Variants in DACH2 observed in about 807,000 individuals in gnomAD.
The protein encoded by DACH2 is dachshund family transcription factor 2.
A neutral mutation model predicts 35.8 loss-of-function variants in DACH2; 17 were observed. The ratio of observed to expected loss-of-function variants is 0.48; its 90% CI spans 0.33 to 0.71. The LOEUF is 0.71. Ranked by LOEUF, DACH2 falls within the 30% of genes least tolerant of loss-of-function variation. DACH2 has a pLI of 0.02. For synonymous variants in DACH2, 195 were observed against 177.3 expected (o/e 1.10, Z -0.79); for missense variants, 469 against 472.7 (o/e 0.99, Z 0.07).
chrX:86,248,982 TG>T (rs1489971048), intron 1 of DACH2, among the ~76,000 whole-genome samples: 2 of 111,522 alleles, frequency 1.8e-5, no homozygotes. Context: ...TAAATAGTGT[TG>T]GGATAACTGA....
intron 3 of DACH2, among the ~76,000 whole-genome samples, chrX:86,647,391 C>A (rs1471060382): frequency 9.0e-6 from 1 of 110,541 alleles, no homozygotes; most frequent in Non-Finnish European, 1.9e-5. Flanking sequence ...ATGAATAAAC[C>A]TGAAGCATGA....
chrX:86,708,189 A>G (rs2041240759), intron 5 of DACH2, among the ~76,000 whole-genome samples: 1 of 110,500 alleles, frequency 9.0e-6, no homozygotes, highest in Non-Finnish European at 1.9e-5. Context: ...CATCTTACTC[A>G]ATGGTGAAAA....
intron 3 of DACH2, among the ~76,000 whole-genome samples, chrX:86,517,939 G>C (rs1316728209): frequency 9.0e-6 from 1 of 111,556 alleles, no homozygotes; most frequent in Non-Finnish European, 1.9e-5. Flanking sequence ...TGTCGTGATT[G>C]CTTTTGGTGT....
chrX:86,449,449 C>G (rs867794691), intron 2 of DACH2, among the ~76,000 whole-genome samples: 16 of 111,317 alleles, frequency 1.4e-4, no homozygotes, highest in African/African-American at 4.9e-4. Flanking sequence ...TTTAGCCACT[C>G]TATATCTTTT....
At chrX:86,172,813 A>G (rs2031170713) in intron 1 of DACH2, among the ~76,000 whole-genome samples, 1 of 112,081 alleles carries the variant, frequency 8.9e-6, no homozygotes, top group Admixed American at 9.5e-5. Context: ...ATGTCCTGAT[A>G]GGAAATACTG....
At chrX:86,645,789 C>G (rs1441174737) in intron 3 of DACH2, among the ~76,000 whole-genome samples, 1 of 111,093 alleles carries the variant, frequency 9.0e-6, no homozygotes, top group East Asian at 2.8e-4. Context: ...CCTTAACAAA[C>G]TAAGGCAGGA....
intron 7 of DACH2, among the ~76,000 whole-genome samples, chrX:86,810,916 G>A (rs771086272): frequency 2.3e-3 from 253 of 111,364 alleles, no homozygotes; most frequent in Middle Eastern, 4.6e-3. Context: ...ATAGAGTTAC[G>A]TAACTAGAGT....
At chrX:86,274,644 G>A (rs756346860) in intron 1 of DACH2, among the ~76,000 whole-genome samples, 2 of 107,915 alleles carry the variant, frequency 1.9e-5, no homozygotes, top group African/African-American at 6.8e-5. Flanking sequence ...ACAGGTGCCT[G>A]CCACCACGCC....
intron 2 of DACH2, among the ~76,000 whole-genome samples, chrX:86,439,878 C>A (rs1203165366): frequency 9.1e-6 from 1 of 109,845 alleles, no homozygotes; most frequent in Non-Finnish European, 1.9e-5. Context: ...CTTCTTTGAC[C>A]CTTGTGTTAT....
intron 4 of DACH2, among the ~76,000 whole-genome samples, chrX:86,654,312 C>T (rs749290692): frequency 1.9e-5 from 2 of 107,926 alleles, no homozygotes; most frequent in Non-Finnish European, 3.8e-5. Context: ...AGCTTTACAT[C>T]TCTTTTTCTA....
At chrX:86,806,471 C>A (rs1175998281) in intron 7 of DACH2, among the ~76,000 whole-genome samples, 1 of 111,667 alleles carries the variant, frequency 9.0e-6, no homozygotes, top group Admixed American at 9.6e-5. Context: ...CAAACCATAT[C>A]ATTTTTAATT....
intron 1 of DACH2, among the ~76,000 whole-genome samples, chrX:86,159,512 A>AC (rs1318630215): frequency 8.9e-6 from 1 of 112,086 alleles, no homozygotes; most frequent in Admixed American, 9.5e-5. Context: ...CATAGAAAAA[A>AC]AATTACTCCA....
chrX:86,182,471 G>T (rs1452321445), intron 1 of DACH2, among the ~76,000 whole-genome samples: 2 of 111,663 alleles, frequency 1.8e-5, no homozygotes, highest in Non-Finnish European at 3.8e-5. Flanking sequence ...GTTTTTGTCA[G>T]GTTTGTCAAA....
At chrX:86,679,449 A>G (rs1602777722) in intron 4 of DACH2, among the ~76,000 whole-genome samples, 1 of 111,983 alleles carries the variant, frequency 8.9e-6, no homozygotes, top group Admixed American at 9.5e-5. Flanking sequence ...ATGCACAAAT[A>G]TTTTCAACAC....
chrX:86,340,516 T>C (rs1479021479), intron 1 of DACH2, among the ~76,000 whole-genome samples: 5 of 110,914 alleles, frequency 4.5e-5, no homozygotes, highest in African/African-American at 1.6e-4. Context: ...CCCTATTCCC[T>C]GAGACACAGC....
chrX:86,303,580 G>T (rs938214819), intron 1 of DACH2, among the ~76,000 whole-genome samples: 1 of 110,798 alleles, frequency 9.0e-6, no homozygotes, highest in Non-Finnish European at 1.9e-5. Context: ...CAGTTGGGAA[G>T]TGGGGTACAC....
chrX:86,603,591 T>C (rs184672648), intron 3 of DACH2, among the ~76,000 whole-genome samples: 10 of 111,480 alleles, frequency 9.0e-5, no homozygotes, highest in African/African-American at 3.3e-4. Flanking sequence ...CAACAAGTTA[T>C]CTGACTGCTT....
chrX:86,564,275 T>C (rs1457530260), intron 3 of DACH2, among the ~76,000 whole-genome samples: 1 of 111,119 alleles, frequency 9.0e-6, no homozygotes, highest in Non-Finnish European at 1.9e-5. Context: ...AAAACTGCAA[T>C]TATATTTTTT....
chrX:86,151,182 G>A (rs749654999), intron 1 of DACH2, among the ~76,000 whole-genome samples: 1 of 109,437 alleles, frequency 9.1e-6, no homozygotes, highest in South Asian at 3.8e-4. Context: ...AATATTTTTG[G>A]ACCCTGTTAT....
Sources: allele counts gnomAD v4.1 joint callset (sites outside exome capture counted in the v4.1 genomes callset), GRCh38; gene constraint gnomAD v4.1.1; transcripts MANE v1.5; gene names NCBI Gene and HGNC (gene_info 2026-07-23, HGNC 2026-07-21).